The following CIT variants were observed in gnomAD, a reference collection of about 807,000 sequenced individuals.
CIT encodes the protein citron Rho-interacting kinase.
Under a neutral mutation model 272.7 loss-of-function variants are expected in CIT, and 79 were observed. The observed-to-expected ratio is 0.29, with a 90% confidence interval of 0.24 to 0.35. The LOEUF is 0.35. Ranked by LOEUF, CIT falls within the 10% of genes least tolerant of loss-of-function variation. The pLI is 1.00. For synonymous variants in CIT, 948 were observed against 995.6 expected (o/e 0.95, Z 0.90); for missense variants, 1,909 against 2,618.3 (o/e 0.73, Z 5.91).
rs1470479213 is a variant in CIT, at chr12:119,713,723, G to A, written c.4307-75C>T. 20 of 1,514,960 alleles carry A rather than the reference G, an allele frequency of 1.3e-5. No homozygotes were observed. Among genetic ancestry groups the A allele is most frequent in the South Asian group, 3.4e-5 (3 of 87,992 alleles). 93.8% of individuals were successfully genotyped at this position (1,514,960 alleles called of 1,614,324 possible). A position where few individuals can be genotyped will look rare whatever the true frequency, so the allele number is the denominator to read the frequency against. ...CCCTTCCCTTCCTCTGCCAGCCAAC[G>A]CCTGGGCTTCTCTACCCCAGCCGGG... On this transcript the variant is annotated intron_variant, in intron 33 of 47. Coordinates refer to ENST00000392521, the MANE Select transcript of CIT (RefSeq NM_001206999.2). The surrounding 1 kb of genome is among the most constrained non-coding windows in gnomAD (Gnocchi z 5.2).
In CIT at chr12:119,713,145, A is replaced by C; in HGVS notation, c.4579+58T>G. 9.1e-6 allele frequency: 12 copies of C among 1,323,134 alleles called. No homozygotes were observed. The South Asian group carries it at 1.5e-4, about 16-fold the overall frequency. The allele number at this position is 1,323,134 out of a possible 1,614,324, so 82.0% of individuals were successfully genotyped here. The stretch of plus-strand genomic sequence containing the variant: ...CAAAAAACAAAGCCTTCGCGCCAGC[A>C]CTGGGGAGACCTGGGTTAGCCACGT... On this transcript the variant is annotated intron_variant, in intron 35 of 47. Transcript: ENST00000392521. The surrounding 1 kb of genome is among the most constrained non-coding windows in gnomAD (Gnocchi z 5.2).
At chr12:119,730,106 T>C (rs1394273177) in intron 27 of CIT, among the ~76,000 whole-genome samples, 1 of 152,180 alleles carries the variant, frequency 6.6e-6, no homozygotes, top group Non-Finnish European at 1.5e-5. Context: ...TGCCTATTAC[T>C]GCAGCAATTG....
chr12:119,808,599 A>C (rs1966736841), intron 9 of CIT, among the ~76,000 whole-genome samples: 1 of 152,098 alleles, frequency 6.6e-6, no homozygotes, highest in Non-Finnish European at 1.5e-5. Flanking sequence ...GAAATGGGAG[A>C]TGAATAAGAG....
At position 119,712,554 on chromosome 12, in the gene CIT, C is replaced by T; in HGVS notation, c.4684+37G>A. The T allele has an allele frequency of 6.3e-7, 1 of 1,595,716 alleles. No individual in the cohort carries two copies. The highest frequency in any genetic ancestry group is 1.1e-5 in the South Asian group (1 of 90,568). On this transcript the variant is annotated intron_variant, in intron 36 of 47. Transcript: ENST00000392521. The surrounding 1 kb of genome is among the most constrained non-coding windows in gnomAD (Gnocchi z 5.2). ...TCCCTGCTGATTGGCCAAGCCCGGC[C>T]CACCTCCAGGGCGGGGCTCCTCCGG...
At chr12:119,783,486 G>C (rs183857551) in intron 12 of CIT, 48 of 154,602 alleles carry the variant, frequency 3.1e-4, no homozygotes, top group Non-Finnish European at 6.2e-4. Flanking sequence ...TCACTACACT[G>C]GTTCTGGCCA....
chr12:119,820,223 T>C (rs1018654848), intron 9 of CIT, among the ~76,000 whole-genome samples: 1 of 152,198 alleles, frequency 6.6e-6, no homozygotes, highest in Non-Finnish European at 1.5e-5. Flanking sequence ...AAATAGTTTT[T>C]CAAACACTTA....
chr12:119,755,668 G>A (rs903222467), intron 22 of CIT, among the ~76,000 whole-genome samples: 4 of 152,126 alleles, frequency 2.6e-5, no homozygotes, highest in Admixed American at 1.3e-4. Flanking sequence ...CTGTCTTGTC[G>A]CCACTGTAGA....
intron 9 of CIT, among the ~76,000 whole-genome samples, chr12:119,805,062 AC>A (rs1421354877): frequency 1.6e-5 from 2 of 124,508 alleles, no homozygotes; most frequent in Admixed American, 1.8e-4. Context: ...ATTATCCGGT[AC>A]CTTTTTTAAT....
chr12:119,750,896 T>C (rs1324079091), intron 23 of CIT, among the ~76,000 whole-genome samples: 1 of 151,058 alleles, frequency 6.6e-6, no homozygotes, highest in Non-Finnish European at 1.5e-5. Context: ...CAAAGAGAGG[T>C]TTAGAGATGT....
At chr12:119,842,733 C>T (rs753979227) in intron 5 of CIT, among the ~76,000 whole-genome samples, 44 of 152,138 alleles carry the variant, frequency 2.9e-4, no homozygotes, top group Non-Finnish European at 7.3e-5. Flanking sequence ...GTTCAATTTC[C>T]TTGCACTGCA....
At position 119,752,232 on chromosome 12, in the gene CIT, C is replaced by T. The variant is rs950765310; in HGVS notation, c.2722G>A (p.Glu908Lys). ...TRLREVSLEH[E>K]EQKLELKRQL... ...CGCTTGAGCTCCAGTTTCTGCTCCTCGTGCTCTAGACTGACCTGAGACAGA... is the reference window on the plus strand; with the variant it reads ...CGCTTGAGCTCCAGTTTCTGCTCCTTGTGCTCTAGACTGACCTGAGACAGA... The change falls in exon 23 of 48, where the codon GAG becomes AAG. Residue 908 changes from glutamate (E) to lysine (K), a missense_variant. Coordinates refer to ENST00000392521, the MANE Select transcript of CIT (RefSeq NM_001206999.2). 1 of 1,607,882 alleles carries T rather than the reference C, an allele frequency of 6.2e-7. No individual in the cohort carries two copies. Among genetic ancestry groups the T allele is most frequent in the Non-Finnish European group, 8.5e-7 (1 of 1,179,622 alleles).
chr12:119,713,691 C>T lies in CIT; in HGVS notation c.4307-43G>A. 1 of 1,601,864 alleles carries T rather than the reference C, an allele frequency of 6.2e-7. No homozygotes were observed. Among genetic ancestry groups the T allele is most frequent in the African/African-American group, 1.3e-5 (1 of 74,736 alleles). On this transcript the variant is annotated intron_variant, in intron 33 of 47. Coordinates refer to ENST00000392521, the MANE Select transcript of CIT (RefSeq NM_001206999.2). The surrounding 1 kb of genome is among the most constrained non-coding windows in gnomAD (Gnocchi z 5.2). ...GCAACCTGAGGGCATGCTCAGCTGA[C>T]CCTGGACCCTTCCCTTCCTCTGCCA... is the stretch of plus-strand genomic sequence containing the variant.
At chr12:119,750,088 G>A (rs1221518847) in intron 23 of CIT, among the ~76,000 whole-genome samples, 1 of 152,194 alleles carries the variant, frequency 6.6e-6, no homozygotes, top group African/African-American at 2.4e-5. Flanking sequence ...CCCATAGCAA[G>A]GGCTTATTAA....
intron 43 of CIT, 22 bp from the exon 44 acceptor site, chr12:119,700,847 TG>T (rs1956520612): frequency 6.2e-7 from 1 of 1,603,010 alleles, no homozygotes; most frequent in East Asian, 2.2e-5. Context: ...CAAGAGCACG[TG>T]GGCATTAGCA....
intron 5 of CIT, among the ~76,000 whole-genome samples, chr12:119,835,865 C>G (rs1295243363): frequency 6.6e-6 from 1 of 152,164 alleles, no homozygotes; most frequent in African/African-American, 2.4e-5. Context: ...CGCATCCTCC[C>G]TGGGGGCTCC....
At chr12:119,827,160 C>G (rs573689164) in intron 7 of CIT, among the ~76,000 whole-genome samples, 8 of 152,222 alleles carry the variant, frequency 5.3e-5, no homozygotes, top group Non-Finnish European at 1.2e-4. Flanking sequence ...GTAAGTGCCC[C>G]TTCAAGAAAG....
In CIT at chr12:119,705,552, T is replaced by C. The variant is rs1462130405; in HGVS notation, c.5212-1097A>G. On this transcript the variant is annotated intron_variant, in intron 40 of 47. Transcript: ENST00000392521. ...TATTAGGCTTTATGATTTACATATA[T>C]GTTCCATACATTTTTTGAACAGTTC... Among the ~76,000 whole-genome samples the C allele has an allele frequency of 2.0e-5, 3 of 152,148 alleles. No individual in the cohort carries two copies. In the East Asian group the frequency reaches 5.8e-4, roughly 29 times the overall value.
intron 3 of CIT, among the ~76,000 whole-genome samples, chr12:119,866,381 T>C (rs976034201): frequency 1.1e-4 from 16 of 152,146 alleles, no homozygotes; most frequent in Non-Finnish European, 2.2e-4. Context: ...CTTCCACTTT[T>C]GTGTTTTGGA....
At chr12:119,746,927 G>A (rs1010663013) in intron 23 of CIT, among the ~76,000 whole-genome samples, 6 of 152,134 alleles carry the variant, frequency 3.9e-5, no homozygotes, top group Admixed American at 3.9e-4. Flanking sequence ...TACACAAAAA[G>A]GCAAAAGCTC....
Sources: allele counts gnomAD v4.1 joint callset (sites outside exome capture counted in the v4.1 genomes callset), GRCh38; gene constraint gnomAD v4.1.1; non-coding constraint Gnocchi (gnomAD v3.1); transcripts MANE v1.5; gene names NCBI Gene and HGNC (gene_info 2026-07-23, HGNC 2026-07-21).